HNRNPH3: variants seen among roughly 807,000 people sequenced by gnomAD.
HNRNPH3 encodes the protein heterogeneous nuclear ribonucleoprotein 2H9.
Under a neutral mutation model 47.0 loss-of-function variants are expected in HNRNPH3, and 7 were observed. That is an observed-to-expected ratio of 0.15 (90% CI 0.08 to 0.28). HNRNPH3 has a LOEUF of 0.28. HNRNPH3 is among the 10% of genes least tolerant of loss of function. HNRNPH3 has a pLI of 1.00. For missense variants in HNRNPH3, 279 were observed against 449.6 expected (o/e 0.62, Z 3.43); for synonymous variants, 120 against 143.2 (o/e 0.84, Z 1.16).
In HNRNPH3 at chr10:68,341,163, CT is replaced by C. The variant is rs1487995922; in HGVS notation, c.640-7del. 2.6e-6 allele frequency: 4 copies of C among 1,529,784 alleles called. No homozygotes were observed. Among genetic ancestry groups the C allele is most frequent in the Non-Finnish European group, 2.6e-6 (3 of 1,139,298 alleles). The allele number at this position is 1,529,784 out of a possible 1,614,324, so 94.8% of individuals were successfully genotyped here. A position where few individuals can be genotyped will look rare whatever the true frequency, so the allele number is the denominator to read the frequency against. On this transcript the variant is annotated splice_polypyrimidine_tract_variant and intron_variant, in intron 6 of 9. Coordinates refer to ENST00000265866, the MANE Select transcript of HNRNPH3 (RefSeq NM_012207.3). ...CAATAGAAAAGTAAATAAGTGTTTC[CT>C]TTTATTTAGTTCTTCTCACCACTAA...
chr10:68,338,066 T>G (rs878960942), intron 3 of HNRNPH3, 70 bp downstream of exon 3: 244 of 1,180,664 alleles, frequency 2.1e-4, no homozygotes, highest in Non-Finnish European at 2.4e-5. Flanking sequence ...ATTGCTTAAA[T>G]GGGGGGGTAG....
chr10:68,336,932 A>C (rs1438349451), intron 1 of HNRNPH3: 1 of 289,882 alleles, frequency 3.4e-6, no homozygotes, highest in African/African-American at 2.2e-5. Context: ...CTGGTAGTAG[A>C]ATTATGCAAG....
intron 6 of HNRNPH3, among the ~76,000 whole-genome samples, chr10:68,340,301 T>C (rs2045818980): frequency 6.6e-6 from 1 of 152,222 alleles, no homozygotes; most frequent in Admixed American, 6.5e-5. Flanking sequence ...GTGCTGGGAT[T>C]ACAGGCGTGA....
Position 68,341,764 on chromosome 10 carries a change from C to A in HNRNPH3, c.877C>A (p.Gln293Lys). ...GGYGRDGMDN[Q>K]GGYGSVGRMG... ...TTTCTTTTTTCTTTTTAAAGATAATCAGGGAGGCTATGGATCAGTTGGAAG... is the reference window on the plus strand; with the variant it reads ...TTTCTTTTTTCTTTTTAAAGATAATAAGGGAGGCTATGGATCAGTTGGAAG... The change falls in exon 9 of 10, where the codon CAG (glutamine) becomes AAG (lysine). Residue 293 changes from glutamine to lysine, a missense_variant. Around this residue, in one of 2 missense-constraint regions of HNRNPH3, gnomAD observed 239 missense variants for 335.8 expected, o/e 0.71. Coordinates refer to ENST00000265866, the MANE Select transcript of HNRNPH3 (RefSeq NM_012207.3). The A allele has an allele frequency of 1.2e-6, 2 of 1,600,608 alleles. No individual in the cohort carries two copies. Among genetic ancestry groups the A allele is most frequent in the Non-Finnish European group, 1.7e-6 (2 of 1,174,462 alleles).
intron 6 of HNRNPH3, among the ~76,000 whole-genome samples, chr10:68,339,880 AT>A (rs1208708245): frequency 6.6e-6 from 1 of 152,048 alleles, no homozygotes; most frequent in Admixed American, 6.5e-5. Flanking sequence ...ACTGATGGAT[AT>A]TTTTGTATCC....
At chr10:68,339,835 C>T (rs749022645) in intron 6 of HNRNPH3, among the ~76,000 whole-genome samples, 17 of 151,858 alleles carry the variant, frequency 1.1e-4, no homozygotes, top group Non-Finnish European at 1.9e-4. Context: ...CCCGCCACCA[C>T]GCCTGGCTAA....
intron 1 of HNRNPH3, among the ~76,000 whole-genome samples, chr10:68,332,631 G>A (rs2045233845): frequency 1.3e-5 from 2 of 152,166 alleles, no homozygotes; most frequent in African/African-American, 4.8e-5. Context: ...CCCTGGAAGG[G>A]ATGAGGGTGG....
intron 1 of HNRNPH3, among the ~76,000 whole-genome samples, chr10:68,333,536 G>A (rs896421421): frequency 6.6e-6 from 1 of 152,072 alleles, no homozygotes; most frequent in African/African-American, 2.4e-5. Context: ...TTGGTAGCTA[G>A]GCATGTTTTT....
At chr10:68,335,041 C>T (rs527542618) in intron 1 of HNRNPH3, among the ~76,000 whole-genome samples, 16 of 152,148 alleles carry the variant, frequency 1.1e-4, no homozygotes, top group Admixed American at 2.0e-4. Flanking sequence ...GTTCCGAGTT[C>T]GGTTGGGTTT....
chr10:68,335,474 ACTT>A (rs1384189022), intron 1 of HNRNPH3, among the ~76,000 whole-genome samples: 3 of 150,740 alleles, frequency 2.0e-5, no homozygotes, highest in Admixed American at 6.6e-5. Context: ...ACATCTCTGA[ACTT>A]TTTTTTTTTC....
chr10:68,338,602 A>G lies in HNRNPH3; in HGVS notation c.351A>G (p.Pro117=), dbSNP rs2045656815. ...AGCGACCGGGACCATATGATAGACCAATAGGAGGAAGAGGGGGTTATTATG... is the reference window on the plus strand; with the variant it reads ...AGCGACCGGGACCATATGATAGACCGATAGGAGGAAGAGGGGGTTATTATG... ...LGQRPGPYDR[P]IGGRGGYYGA... is the part of the protein sequence containing the mutation. The change falls in exon 4 of 10, where the codon CCA becomes CCG. Residue 117 remains proline, a synonymous_variant. Coordinates refer to ENST00000265866, the MANE Select transcript of HNRNPH3 (RefSeq NM_012207.3). The G allele has an allele frequency of 6.2e-7, 1 of 1,613,486 alleles. No individual in the cohort carries two copies. Among genetic ancestry groups the G allele is most frequent in the Non-Finnish European group, 8.5e-7 (1 of 1,179,626 alleles).
Position 68,341,739 on chromosome 10 carries a change from TTTC to T in HNRNPH3, c.872-17_872-15del, listed in dbSNP as rs2045965186. ...TGCTTATCGATGAGTCTCAATTTTTTTTCTTTTTTCTTTTTAAAGATAATCAGG... is the reference window on the plus strand; with the variant it reads ...TGCTTATCGATGAGTCTCAATTTTTTTTTTTTCTTTTTAAAGATAATCAGG... On this transcript the variant is annotated splice_polypyrimidine_tract_variant and intron_variant, in intron 8 of 9. Coordinates refer to ENST00000265866, the MANE Select transcript of HNRNPH3 (RefSeq NM_012207.3). 1 of 1,587,828 alleles carries T rather than the reference TTTC, an allele frequency of 6.3e-7. No individual in the cohort carries two copies. Among genetic ancestry groups the T allele is most frequent in the African/African-American group, 1.4e-5 (1 of 73,108 alleles).
Position 68,337,735 on chromosome 10 carries a change from A to G in HNRNPH3, c.113-123A>G. ...TTCATTTGTATTATGGGGTGATGGGAAACTAAGCTTTTTTGTTTTGTTTTG... is the reference window on the plus strand; with the variant it reads ...TTCATTTGTATTATGGGGTGATGGGGAACTAAGCTTTTTTGTTTTGTTTTG... On this transcript the variant is annotated intron_variant, in intron 2 of 9. Coordinates refer to ENST00000265866, the MANE Select transcript of HNRNPH3 (RefSeq NM_012207.3). This position sits in a 1 kb window ranked among gnomAD's most constrained non-coding sequence, Gnocchi z 4.5. The G allele has an allele frequency of 1.2e-6, 1 of 841,772 alleles. No individual in the cohort carries two copies. The highest frequency in any genetic ancestry group is 1.8e-6 in the Non-Finnish European group (1 of 557,208). 52.1% of individuals were successfully genotyped at this position (841,772 alleles called of 1,614,324 possible).
rs16925347 is a variant in HNRNPH3, at chr10:68,341,660, G to C, written c.851G>C (p.Gly284Ala). Residue 284 changes from glycine to alanine, a missense_variant, in exon 8 of 10, where the codon GGC becomes GCC. By Grantham distance (60) the Gly-to-Ala change is moderately conservative (BLOSUM62 0). Transcript: ENST00000265866. ...GSGMGGSGMGGYGRDGMDNQG... is the reference protein window; with the variant it reads ...GSGMGGSGMGAYGRDGMDNQG... ...GGCATGGGAGGTTCTGGAATGGGAG[G>C]CTACGGAAGAGATGGAATGGGTATG... 0.081 allele frequency: 130,351 copies of C among 1,611,938 alleles called. 6,188 individuals are homozygous for C. The highest frequency in any genetic ancestry group is 0.098 in the Admixed American group (5,899 of 59,948).
intron 6 of HNRNPH3, 58 bp downstream of exon 6, chr10:68,339,613 T>G (rs2045741729): frequency 1.9e-6 from 2 of 1,037,872 alleles, no homozygotes; most frequent in Non-Finnish European, 2.9e-6. Context: ...TCTAAATCTT[T>G]AAGCATTCTT....
chr10:68,336,512 AAC>A (rs906863757), intron 1 of HNRNPH3, among the ~76,000 whole-genome samples: 11 of 152,210 alleles, frequency 7.2e-5, no homozygotes, highest in African/African-American at 2.7e-4. Context: ...TGGCTTCAAA[AAC>A]ACAGGTACTG....
At chr10:68,341,026 A>T in intron 6 of HNRNPH3, 148 bp from the exon 7 acceptor site, 1 of 576,656 alleles carries the variant, frequency 1.7e-6, no homozygotes, top group South Asian at 2.4e-5. Flanking sequence ...ATACTCTGAT[A>T]TTCACAGAAC....
chr10:68,341,140 A>G (rs748639224), intron 6 of HNRNPH3, 34 bp from the exon 7 acceptor site: 1 of 1,454,834 alleles, frequency 6.9e-7, no homozygotes, highest in Admixed American at 2.4e-5. Flanking sequence ...AATATTCTCA[A>G]TAGAAAAGTA....
Position 68,339,220 on chromosome 10 carries a change from G to A in HNRNPH3, c.517G>A (p.Gly173Arg). 2 of 1,589,832 alleles carry A rather than the reference G, an allele frequency of 1.3e-6. No individual in the cohort carries two copies. The highest frequency in any genetic ancestry group is 1.7e-6 in the Non-Finnish European group (2 of 1,158,576). ...TGGCTTTGATGACAGAATGAGAGAT[G>A]GAAGAGGTAAAATAAATATTAAAGA... ...NDGFDDRMRDGRGMGGHGYGG... is the reference protein window; with the variant it reads ...NDGFDDRMRDRRGMGGHGYGG... Residue 173 changes from glycine (G) to arginine (R), a missense_variant, in exon 5 of 10, where the codon GGA becomes AGA. By Grantham distance (125) the Gly-to-Arg change is moderately radical. Around this residue, in one of 2 missense-constraint regions of HNRNPH3, gnomAD observed 239 missense variants for 335.8 expected, o/e 0.71. Transcript: ENST00000265866.
Sources: allele counts gnomAD v4.1 joint callset (sites outside exome capture counted in the v4.1 genomes callset), GRCh38; gene constraint gnomAD v4.1.1; regional missense constraint gnomAD v4.1.1; non-coding constraint Gnocchi (gnomAD v3.1); transcripts MANE v1.5; gene names NCBI Gene and HGNC (gene_info 2026-07-23, HGNC 2026-07-21).